CSMD1: variants seen among roughly 807,000 people sequenced by gnomAD.
The protein encoded by CSMD1 is CUB and sushi domain-containing protein 1.
In CSMD1, 213 loss-of-function variants were observed where a neutral mutation model predicts 417.5. That is an observed-to-expected ratio of 0.51 (90% CI 0.46 to 0.57). The LOEUF (loss-of-function observed/expected upper bound fraction) is 0.57, where lower values mean the gene tolerates loss of function less well. CSMD1 is among the 20% of genes least tolerant of loss of function. The pLI is 0.00. For synonymous variants in CSMD1, 2,862 were observed against 1,736.8 expected (o/e 1.65, Z -16.11); for missense variants, 6,923 against 4,529.7 (o/e 1.53, Z -15.17).
At chr8:3,918,520 C>T (rs1563210045) in intron 5 of CSMD1, among the ~76,000 whole-genome samples, 1 of 151,820 alleles carries the variant, frequency 6.6e-6, no homozygotes, top group South Asian at 2.1e-4. Context: ...GGTTATTTGC[C>T]CATTTTTAAT....
chr8:4,369,145 G>C (rs949212354), intron 3 of CSMD1, among the ~76,000 whole-genome samples: 2 of 152,014 alleles, frequency 1.3e-5, no homozygotes, highest in Admixed American at 1.3e-4. Context: ...GGTATTTTGT[G>C]TCTCCATTTT....
intron 2 of CSMD1, among the ~76,000 whole-genome samples, chr8:4,537,450 T>C (rs992693026): frequency 1.3e-5 from 2 of 152,202 alleles, no homozygotes; most frequent in African/African-American, 4.8e-5. Context: ...TTATTAAAAG[T>C]CATATTACTA....
At chr8:4,425,930 A>G (rs1283804337) in intron 2 of CSMD1, among the ~76,000 whole-genome samples, 1 of 152,166 alleles carries the variant, frequency 6.6e-6, no homozygotes, top group Non-Finnish European at 1.5e-5. Context: ...GTTTTACAAA[A>G]AATACAAGCA....
chr8:4,252,801 C>CT (rs1803171753), intron 3 of CSMD1, among the ~76,000 whole-genome samples: 1 of 152,226 alleles, frequency 6.6e-6, no homozygotes, highest in Non-Finnish European at 1.5e-5. Flanking sequence ...CTTCTGTACA[C>CT]TTTCTCCATG....
intron 37 of CSMD1, among the ~76,000 whole-genome samples, chr8:3,171,370 C>CT (rs933604570): frequency 1.2e-4 from 18 of 152,282 alleles, no homozygotes; most frequent in Admixed American, 3.3e-4. Flanking sequence ...TACTATTTCC[C>CT]TTTTTAACAC....
chr8:4,030,038 G>C (rs902871316), intron 4 of CSMD1, among the ~76,000 whole-genome samples: 10 of 152,156 alleles, frequency 6.6e-5, no homozygotes, highest in Admixed American at 3.3e-4. Context: ...CAACAGTCTT[G>C]GGCAGGTGTA....
At chr8:3,419,342 A>G (rs1813345297) in intron 12 of CSMD1, among the ~76,000 whole-genome samples, 1 of 152,216 alleles carries the variant, frequency 6.6e-6, no homozygotes, top group Non-Finnish European at 1.5e-5. Context: ...TTCCAAAATG[A>G]ATAATTGAAA....
chr8:3,854,569 T>C (rs995748310), intron 5 of CSMD1, among the ~76,000 whole-genome samples: 2 of 152,054 alleles, frequency 1.3e-5, no homozygotes, highest in African/African-American at 4.8e-5. Flanking sequence ...AGCTTTTCTA[T>C]CTCCCTGCAC....
intron 1 of CSMD1, among the ~76,000 whole-genome samples, chr8:4,746,537 A>G (rs773647696): frequency 3.9e-5 from 6 of 152,246 alleles, no homozygotes; most frequent in African/African-American, 7.2e-5. Flanking sequence ...TTACATGATC[A>G]GTGAAGACGA....
intron 1 of CSMD1, among the ~76,000 whole-genome samples, chr8:4,769,794 T>A (rs1011176529): frequency 6.6e-6 from 1 of 152,180 alleles, no homozygotes; most frequent in African/African-American, 2.4e-5. Context: ...TTGCCACGTT[T>A]AGCATTTTCT....
At chr8:3,305,539 G>A (rs754593820) in intron 25 of CSMD1, among the ~76,000 whole-genome samples, 2 of 150,932 alleles carry the variant, frequency 1.3e-5, no homozygotes, top group Non-Finnish European at 3.0e-5. Flanking sequence ...GTTAAGCTTG[G>A]CCCCATTTCC....
At chr8:4,124,162 G>A (rs572167993) in intron 3 of CSMD1, among the ~76,000 whole-genome samples, 1 of 152,170 alleles carries the variant, frequency 6.6e-6, no homozygotes, top group South Asian at 2.1e-4. Flanking sequence ...ACAGTCTGCG[G>A]AGGCGCAGGG....
At chr8:3,848,856 A>T (rs1055091587) in intron 5 of CSMD1, among the ~76,000 whole-genome samples, 1 of 151,914 alleles carries the variant, frequency 6.6e-6, no homozygotes, top group Admixed American at 6.6e-5. Context: ...TAAAGCACAC[A>T]TTTTTTTCAG....
chr8:3,609,017 C>A (rs1801759495), intron 8 of CSMD1, among the ~76,000 whole-genome samples: 1 of 152,178 alleles, frequency 6.6e-6, no homozygotes, highest in African/African-American at 2.4e-5. Flanking sequence ...CACCCCTTTC[C>A]AGCGGTCCTG....
intron 3 of CSMD1, among the ~76,000 whole-genome samples, chr8:4,286,325 C>T (rs1045968844): frequency 8.5e-5 from 13 of 152,096 alleles, no homozygotes; most frequent in African/African-American, 2.9e-4. Flanking sequence ...CACTTTGGAA[C>T]ATTCTTTTAT....
chr8:4,068,387 C>A, intron 3 of CSMD1, among the ~76,000 whole-genome samples: 1 of 152,062 alleles, frequency 6.6e-6, no homozygotes, highest in East Asian at 1.9e-4. Flanking sequence ...GGGAGTGTGA[C>A]TTTTATTTCA....
At chr8:4,525,723 T>A (rs1294937202) in intron 2 of CSMD1, among the ~76,000 whole-genome samples, 1 of 152,120 alleles carries the variant, frequency 6.6e-6, no homozygotes, top group Non-Finnish European at 1.5e-5. Context: ...TGGTCAGGTG[T>A]CACCTCGTCA....
chr8:4,209,470 G>A (rs192012159), intron 3 of CSMD1, among the ~76,000 whole-genome samples: 27 of 152,292 alleles, frequency 1.8e-4, no homozygotes, highest in Non-Finnish European at 4.4e-5. Context: ...ACATCTGCTA[G>A]TTCCCGAACA....
intron 10 of CSMD1, among the ~76,000 whole-genome samples, chr8:3,517,051 G>A (rs1797310520): frequency 6.6e-6 from 1 of 152,248 alleles, no homozygotes; most frequent in African/African-American, 2.4e-5. Context: ...CAGATCAAGG[G>A]GACACTGGAA....
Sources: allele counts gnomAD v4.1 joint callset (sites outside exome capture counted in the v4.1 genomes callset), GRCh38; gene constraint gnomAD v4.1.1; transcripts MANE v1.5; gene names NCBI Gene and HGNC (gene_info 2026-07-23, HGNC 2026-07-21).